AP1M1: variants seen among roughly 807,000 people sequenced by gnomAD.
The protein encoded by AP1M1 is AP-1 complex subunit mu-1.
In AP1M1, 18 loss-of-function variants were observed where a neutral mutation model predicts 57.1. The observed-to-expected ratio is 0.32, with a 90% CI of 0.22 to 0.47. AP1M1 has a LOEUF of 0.47. Among genes scored for constraint, AP1M1 ranks in the 20% least tolerant of loss-of-function variants. The pLI is 1.00. For synonymous variants in AP1M1, 241 were observed against 237.9 expected, an observed-to-expected ratio of 1.01 and a Z score of -0.12; for missense variants, 362 against 593.5, an observed-to-expected ratio of 0.61 and a Z score of 4.05.
In AP1M1 at chr19:16,203,978, G is replaced by A. The variant is rs1245893492; in HGVS notation, c.199+363G>A. 2.0e-5 allele frequency among the ~76,000 whole-genome samples: 3 copies of A among 152,168 alleles called. No homozygotes were observed. Among genetic ancestry groups the A allele is most frequent in the Admixed American group, 1.3e-4 (2 of 15,278 alleles). ...GAGCCTCATTCCAACAGCTGCACTC[G>A]GGGTGGCTGGAGAGGGGGCGTGTAG... is the stretch of plus-strand genomic sequence containing the variant. On this transcript the variant is annotated intron_variant, in intron 2 of 11. Transcript: ENST00000291439. The surrounding 1 kb of genome is among the most constrained non-coding windows in gnomAD (Gnocchi z 4.6).
Position 16,203,334 on chromosome 19 carries a change from G to A in AP1M1, c.43-125G>A. 1.1e-6 allele frequency: 1 copy of A among 918,944 alleles called. No individual in the cohort carries two copies. Among genetic ancestry groups the A allele is most frequent in the South Asian group, 1.6e-5 (1 of 64,116 alleles). 56.9% of individuals were successfully genotyped at this position (918,944 alleles called of 1,614,324 possible). On this transcript the variant is annotated intron_variant, in intron 1 of 11. Coordinates refer to ENST00000291439, the MANE Select transcript of AP1M1 (RefSeq NM_032493.4). This position sits in a 1 kb window ranked among gnomAD's most constrained non-coding sequence, Gnocchi z 4.6. ...GAACGGCCTCAAGTCCTGCTCTTTT[G>A]CGGATAGTGGCCATGACCGGAGTCC...
At chr19:16,219,409 T>C (rs555783710) in intron 5 of AP1M1, among the ~76,000 whole-genome samples, 9 of 151,762 alleles carry the variant, frequency 5.9e-5, no homozygotes, top group Non-Finnish European at 1.2e-4. Flanking sequence ...TTTTTTTTTT[T>C]TTTTTGAGAT....
At chr19:16,198,224 C>T in intron 1 of AP1M1, 156 bp downstream of exon 1, 1 of 684,184 alleles carries the variant, frequency 1.5e-6, no homozygotes, top group Admixed American at 3.8e-5. Flanking sequence ...CATCCTGTTT[C>T]TGGGTAACCG....
At chr19:16,231,481 ACTGCAGAGGCATGATCTCGGCTTG>A (rs2091597757) in intron 9 of AP1M1, among the ~76,000 whole-genome samples, 1 of 151,824 alleles carries the variant, frequency 6.6e-6, no homozygotes, top group South Asian at 2.1e-4. Context: ...ATCTCGGCTT[ACTGCAGAGGCATGATCTCGGCTTG>A]CTGCAACTCC....
intron 1 of AP1M1, among the ~76,000 whole-genome samples, chr19:16,199,973 C>T (rs1048374759): frequency 4.7e-4 from 72 of 152,320 alleles, no homozygotes; most frequent in African/African-American, 1.5e-3. Context: ...CCCTGCTGCT[C>T]AGCTGTGTGA....
intron 1 of AP1M1, among the ~76,000 whole-genome samples, chr19:16,201,157 C>T (rs2091445258): frequency 6.6e-6 from 1 of 152,144 alleles, no homozygotes; most frequent in African/African-American, 2.4e-5. Context: ...TCTCCTCACC[C>T]CTGTTTTCAC....
rs560386574 is a variant in AP1M1, at chr19:16,227,606, A to G, written c.732A>G (p.Leu244=). The G allele has an allele frequency of 9.8e-5, 158 of 1,614,080 alleles. 2 individuals are homozygous for G. The South Asian group carries it at 1.5e-3, about 15-fold the overall frequency. Residue 244 remains leucine (L), a synonymous_variant, in exon 7 of 12, where the codon CTA becomes CTG. Transcript: ENST00000291439. The surrounding 1 kb of genome is among the most constrained non-coding windows in gnomAD (Gnocchi z 6.2). Reference sequence around the variant, plus strand: ...TGAAGTTCCACCAGTGTGTGCGGCTATCACGCTTCGAGAATGACCGCACCA... The same window carrying G: ...TGAAGTTCCACCAGTGTGTGCGGCTGTCACGCTTCGAGAATGACCGCACCA... ...EDVKFHQCVR[L]SRFENDRTIS...
chr19:16,226,095 G>T (rs961167260), intron 5 of AP1M1, among the ~76,000 whole-genome samples: 1 of 151,912 alleles, frequency 6.6e-6, no homozygotes, highest in African/African-American at 2.4e-5. Flanking sequence ...CTCAGAGGGG[G>T]CTCCAGGCAC....
intron 1 of AP1M1, among the ~76,000 whole-genome samples, chr19:16,201,539 C>T (rs888447703): frequency 1.3e-5 from 2 of 151,952 alleles, no homozygotes; most frequent in Non-Finnish European, 2.9e-5. Context: ...GCTGGGACTA[C>T]AGGCATGCAC....
At position 16,235,306 on chromosome 19, in the gene AP1M1, TTA is replaced by T. The variant is rs980492406; in HGVS notation, c.*873_*874del. On this transcript the variant is annotated 3_prime_UTR_variant, in exon 12 of 12. Coordinates refer to ENST00000291439, the MANE Select transcript of AP1M1 (RefSeq NM_032493.4). ...CCCGTCCTCCCCACCCTGTGTGTGT[TTA>T]TGTCATAGTTACATTAAATTCCATT... 20 of 152,396 alleles carry T rather than the reference TTA, an allele frequency of 1.3e-4. No homozygotes were observed. Among genetic ancestry groups the T allele is most frequent in the African/African-American group, 4.1e-4 (17 of 41,568 alleles). The allele number at this position is 152,396 out of a possible 1,614,324, so 9.4% of individuals were successfully genotyped here. A position where few individuals can be genotyped will look rare whatever the true frequency, so the allele number is the denominator to read the frequency against.
At position 16,203,310 on chromosome 19, in the gene AP1M1, A is replaced by C; in HGVS notation, c.43-149A>C. ...GAATTCCCTGGGGGATGGAGATCAGAACGGCCTCAAGTCCTGCTCTTTTGC... is the reference window on the plus strand; with the variant it reads ...GAATTCCCTGGGGGATGGAGATCAGCACGGCCTCAAGTCCTGCTCTTTTGC... On this transcript the variant is annotated intron_variant, in intron 1 of 11. Transcript: ENST00000291439. The surrounding 1 kb of genome is among the most constrained non-coding windows in gnomAD (Gnocchi z 4.6). The C allele has an allele frequency of 1.4e-6, 1 of 738,246 alleles. No homozygotes were observed. Among genetic ancestry groups the C allele is most frequent in the East Asian group, 2.7e-5 (1 of 37,046 alleles). 45.7% of individuals were successfully genotyped at this position (738,246 alleles called of 1,614,324 possible).
chr19:16,223,739 ACT>A (rs1011005165), intron 5 of AP1M1, among the ~76,000 whole-genome samples: 45 of 151,268 alleles, frequency 3.0e-4, no homozygotes, highest in African/African-American at 1.1e-3. Context: ...CGGTGGGAAC[ACT>A]CTGCATTCGT....
rs1043304944 is a variant in AP1M1, at chr19:16,229,065, G to C, written c.1047+137G>C. The C allele has an allele frequency of 1.5e-5, 15 of 1,018,230 alleles. 1 individual carries two copies. In the Admixed American group the frequency reaches 2.4e-4, roughly 16 times the overall value. The allele number at this position is 1,018,230 out of a possible 1,614,324, so 63.1% of individuals were successfully genotyped here. On this transcript the variant is annotated intron_variant, in intron 9 of 11. Coordinates refer to ENST00000291439, the MANE Select transcript of AP1M1 (RefSeq NM_032493.4). ...CTTCCACACCTGGGGCTTCTGAAAG[G>C]GTGGACGGAGAGCTGAGGACTGGAG...
At chr19:16,200,121 C>T (rs2091441018) in intron 1 of AP1M1, among the ~76,000 whole-genome samples, 1 of 152,144 alleles carries the variant, frequency 6.6e-6, no homozygotes, top group African/African-American at 2.4e-5. Context: ...TGTTAGCTCT[C>T]CCAGGCCTCT....
In AP1M1 at chr19:16,234,382, C is replaced by A. The variant is rs748197219; in HGVS notation, c.1250-31C>A. 5 of 1,613,810 alleles carry A rather than the reference C, an allele frequency of 3.1e-6. No homozygotes were observed. In the African/African-American group the frequency reaches 6.7e-5, roughly 22 times the overall value. ...TCCCGAAAGCAGGGAGGGTGCAGAG[C>A]CCAGCATGACGCCTCCCTCCTGTCT... is the stretch of plus-strand genomic sequence containing the variant. On this transcript the variant is annotated intron_variant, in intron 11 of 11. Coordinates refer to ENST00000291439, the MANE Select transcript of AP1M1 (RefSeq NM_032493.4).
rs985002456 is a variant in AP1M1, at chr19:16,235,636, T to C, written c.*1201T>C. The C allele has an allele frequency of 1.3e-5, 2 of 152,446 alleles. No individual in the cohort carries two copies. Among genetic ancestry groups the C allele is most frequent in the Admixed American group, 6.5e-5 (1 of 15,296 alleles). The allele number at this position is 152,446 out of a possible 1,614,324, so 9.4% of individuals were successfully genotyped here. On this transcript the variant is annotated 3_prime_UTR_variant, in exon 12 of 12. Coordinates refer to ENST00000291439, the MANE Select transcript of AP1M1 (RefSeq NM_032493.4). ...TTGTCCCCACCTCTCCCCAAACTGA[T>C]GGCCCACTCAGAGCATGGTCCTTGT...
rs1386159061 is a variant in AP1M1 at position 16,215,453 on chromosome 19, G to A, written c.546+6276G>A. On this transcript the variant is annotated intron_variant, in intron 5 of 11. Transcript: ENST00000291439. ...CACTCCAGCCTGGGCCACAGAATGA[G>A]ATTCCATCTCAAAAAAAAAAAAAAA... Among the ~76,000 whole-genome samples the A allele has an allele frequency of 5.3e-5, 5 of 93,646 alleles. 1 individual carries two copies. Among genetic ancestry groups the A allele is most frequent in the African/African-American group, 2.2e-4 (5 of 22,688 alleles). The allele number at this position is 93,646 out of a possible 152,430, so 61.4% of individuals were successfully genotyped here. A position where few individuals can be genotyped will look rare whatever the true frequency, so the allele number is the denominator to read the frequency against.
intron 5 of AP1M1, among the ~76,000 whole-genome samples, chr19:16,217,577 C>T (rs67306445): frequency 0.11 from 16,630 of 152,106 alleles, 1,125 homozygotes; most frequent in East Asian, 0.32. Flanking sequence ...GCTCTGATGC[C>T]GCCCCCAAGA....
rs1291578578 is a variant in AP1M1 at position 16,228,877 on chromosome 19, T to C, written c.996T>C (p.Val332=). The change falls in exon 9 of 12, where the codon GTT becomes GTC. Residue 332 remains valine, a synonymous_variant. Coordinates refer to ENST00000291439, the MANE Select transcript of AP1M1 (RefSeq NM_032493.4). The surrounding 1 kb of genome is among the most constrained non-coding windows in gnomAD (Gnocchi z 5.0). ...AGTTCAAGACGACGGTGGGGAGCGT[T>C]AAGTGGGTCCCCGAGAACAGCGAGA... ...SPKFKTTVGS[V]KWVPENSEIV... is the part of the protein sequence containing the mutation. 1.9e-6 allele frequency: 3 copies of C among 1,613,924 alleles called. No homozygotes were observed. Among genetic ancestry groups the C allele is most frequent in the Non-Finnish European group, 2.5e-6 (3 of 1,179,996 alleles).
Sources: allele counts gnomAD v4.1 joint callset (sites outside exome capture counted in the v4.1 genomes callset), GRCh38; gene constraint gnomAD v4.1.1; non-coding constraint Gnocchi (gnomAD v3.1); transcripts MANE v1.5; gene names NCBI Gene and HGNC (gene_info 2026-07-23, HGNC 2026-07-21).